The following OSBPL11 variants were observed in gnomAD, a reference collection of about 807,000 sequenced individuals.
OSBPL11 encodes the protein oxysterol-binding protein-related protein 11.
Under a neutral mutation model 84.4 loss-of-function variants are expected in OSBPL11, and 33 were observed. The ratio of observed to expected loss-of-function variants is 0.39; its 90% confidence interval spans 0.30 to 0.52. The LOEUF is 0.52. Among genes scored for constraint, OSBPL11 ranks in the 20% least tolerant of loss-of-function variants. The pLI, the probability that OSBPL11 is intolerant of heterozygous loss-of-function variation, is 0.72. For synonymous variants in OSBPL11, 276 were observed against 310.2 expected (o/e 0.89, Z 1.16); for missense variants, 736 against 901.1 (o/e 0.82, Z 2.35).
intron 4 of OSBPL11, 62 bp downstream of exon 4, chr3:125,578,897 CA>C: frequency 9.2e-7 from 1 of 1,090,236 alleles, no homozygotes; most frequent in Non-Finnish European, 1.3e-6. Flanking sequence ...TTTTAAAAGG[CA>C]AAAAATAAAA....
intron 4 of OSBPL11, among the ~76,000 whole-genome samples, chr3:125,578,352 T>C (rs1321473881): frequency 6.6e-6 from 1 of 152,106 alleles, no homozygotes; most frequent in Non-Finnish European, 1.5e-5. Context: ...AAAGAGAGTT[T>C]GCTAGGGGAT....
intron 1 of OSBPL11, among the ~76,000 whole-genome samples, chr3:125,589,757 A>T (rs1220490187): frequency 2.6e-5 from 4 of 152,214 alleles, no homozygotes; most frequent in Non-Finnish European, 5.9e-5. Flanking sequence ...ACTTTTCCTT[A>T]TAATAGTATT....
At position 125,530,461 on chromosome 3, in the gene OSBPL11, G is replaced by A; in HGVS notation, c.*54C>T. On this transcript the variant is annotated 3_prime_UTR_variant, in exon 13 of 13. Transcript: ENST00000296220. ...CAGTGCAATGACTCCATTCTGGGAG[G>A]ATTTAGGGTAAACAGAGAAGAACCT... 6.7e-7 allele frequency: 1 copy of A among 1,499,850 alleles called. No homozygotes were observed. Among genetic ancestry groups the A allele is most frequent in the East Asian group, 2.3e-5 (1 of 44,362 alleles). 92.9% of individuals were successfully genotyped at this position (1,499,850 alleles called of 1,614,324 possible).
chr3:125,545,331 ATTTGC>A (rs2107591695), intron 10 of OSBPL11, among the ~76,000 whole-genome samples: 1 of 152,288 alleles, frequency 6.6e-6, no homozygotes, highest in Non-Finnish European at 1.5e-5. Context: ...ATGTTTCTTT[ATTTGC>A]TTTAACAGAT....
chr3:125,546,423 T>C (rs1200196814), intron 10 of OSBPL11, among the ~76,000 whole-genome samples: 1 of 152,070 alleles, frequency 6.6e-6, no homozygotes, highest in African/African-American at 2.4e-5. Context: ...AACCTCTGCC[T>C]ACTGGGTTCA....
rs76819613 is a variant in OSBPL11 at position 125,583,607 on chromosome 3, A to G, written c.165-629T>C. On this transcript the variant is annotated intron_variant, in intron 1 of 12. Transcript: ENST00000296220. ...AAAAAAAAAAAAAAAAAAAAAAAAA[A>G]GGGCTGAGTGCAGTGGCTCACACAT... is the stretch of plus-strand genomic sequence containing the variant. 7.2e-5 allele frequency among the ~76,000 whole-genome samples: 10 copies of G among 138,794 alleles called. No homozygotes were observed. In the East Asian group the frequency reaches 1.6e-3, roughly 23 times the overall value. 91.1% of individuals were successfully genotyped at this position (138,794 alleles called of 152,430 possible).
At position 125,528,958 on chromosome 3, in the gene OSBPL11, A is replaced by G. The variant is rs534191911; in HGVS notation, c.*1557T>C. 22 of 152,812 alleles carry G rather than the reference A, an allele frequency of 1.4e-4. No individual in the cohort carries two copies. Among genetic ancestry groups the G allele is most frequent in the African/African-American group, 5.0e-4 (21 of 41,596 alleles). 9.5% of individuals were successfully genotyped at this position (152,812 alleles called of 1,614,324 possible). A position where few individuals can be genotyped will look rare whatever the true frequency, so the allele number is the denominator to read the frequency against. Reference sequence around the variant, plus strand: ...AGTGCATTTCACAGCAAAAATGAACAAGGGAATCATTAAAATTGTTGTACA... The same window carrying G: ...AGTGCATTTCACAGCAAAAATGAACGAGGGAATCATTAAAATTGTTGTACA... On this transcript the variant is annotated 3_prime_UTR_variant, in exon 13 of 13. Transcript: ENST00000296220.
intron 5 of OSBPL11, among the ~76,000 whole-genome samples, chr3:125,574,610 T>C (rs777426225): frequency 1.3e-5 from 2 of 151,798 alleles, no homozygotes; most frequent in Non-Finnish European, 2.9e-5. Context: ...AGGTTATCAA[T>C]TAAAAAAAGA....
chr3:125,560,910 G>A (rs964954145), intron 7 of OSBPL11, among the ~76,000 whole-genome samples: 25 of 152,142 alleles, frequency 1.6e-4, no homozygotes, highest in African/African-American at 5.6e-4. Flanking sequence ...TGTTGGCCAG[G>A]CTGGTCTCAA....
chr3:125,545,591 CAGTAA>C (rs1318233246), intron 10 of OSBPL11, among the ~76,000 whole-genome samples: 4 of 151,764 alleles, frequency 2.6e-5, no homozygotes, highest in South Asian at 4.2e-4. Flanking sequence ...CTCTAGTATG[CAGTAA>C]AGTATATAGA....
chr3:125,576,445 G>A (rs1936325240), intron 4 of OSBPL11, 80 bp from the exon 5 acceptor site: 1 of 1,082,366 alleles, frequency 9.2e-7, no homozygotes, highest in South Asian at 2.0e-5. Flanking sequence ...ATACACTTAA[G>A]ATTTACACAT....
At chr3:125,537,884 C>T (rs1489243866) in intron 11 of OSBPL11, among the ~76,000 whole-genome samples, 1 of 152,202 alleles carries the variant, frequency 6.6e-6, no homozygotes, top group Admixed American at 6.5e-5. Flanking sequence ...AGGTCTATGA[C>T]ACATACTGCC....
chr3:125,588,911 T>TA lies in OSBPL11; in HGVS notation c.164+5725dup, dbSNP rs1431216311. 4.6e-5 allele frequency among the ~76,000 whole-genome samples: 7 copies of TA among 152,204 alleles called. No homozygotes were observed. In the East Asian group the frequency reaches 1.2e-3, roughly 25 times the overall value. On this transcript the variant is annotated intron_variant, in intron 1 of 12. Transcript: ENST00000296220. ...TGTATACTCAAAATCGCAAACAAAA[T>TA]AAAGTCTAACTGTATTTTAATCTAT...
intron 11 of OSBPL11, among the ~76,000 whole-genome samples, chr3:125,533,992 A>G (rs1264043967): frequency 1.3e-5 from 2 of 152,078 alleles, no homozygotes; most frequent in African/African-American, 4.8e-5. Flanking sequence ...ACATCCAACT[A>G]ATTTTTATAT....
At chr3:125,584,464 C>T (rs1332159892) in intron 1 of OSBPL11, among the ~76,000 whole-genome samples, 2 of 152,186 alleles carry the variant, frequency 1.3e-5, no homozygotes, top group African/African-American at 4.8e-5. Flanking sequence ...TGCATCAATC[C>T]ATAAGAGGTT....
In OSBPL11 at chr3:125,552,493, G is replaced by GT; in HGVS notation, c.1341dup (p.Pro448ThrfsTer27). On this transcript the variant is annotated frameshift_variant, in exon 9 of 13. Transcript: ENST00000296220. LOFTEE classifies it high-confidence loss of function. ...GTTTCTCCAATGATAGGATTGTATG[G>GT]TTTTTTAGCAATGGCTCCCTTACGG... 6.2e-7 allele frequency: 1 copy of GT among 1,614,154 alleles called. No individual in the cohort carries two copies.
At chr3:125,564,262 G>A (rs763946300) in intron 6 of OSBPL11, among the ~76,000 whole-genome samples, 7 of 152,170 alleles carry the variant, frequency 4.6e-5, no homozygotes, top group Non-Finnish European at 1.0e-4. Context: ...ATTTGGGATC[G>A]AGTCTTACTC....
chr3:125,594,682 C>G lies in OSBPL11; in HGVS notation c.119G>C (p.Ser40Thr). Reference protein sequence around the residue: ...KNSSCGGGISSSSSSRGGSAK... With the variant: ...KNSSCGGGISTSSSSRGGSAK... ...ACTGCCACCGCGGCTGCTGCTGCTG[C>G]TACTGATTCCACCTCCACAGCTGCT... Residue 40 changes from serine (S) to threonine (T), a missense_variant, in exon 1 of 13, where the codon AGC becomes ACC. Ser to Thr is a moderately conservative substitution (Grantham distance 58). Transcript: ENST00000296220. The G allele has an allele frequency of 1.2e-6, 2 of 1,614,082 alleles. No individual in the cohort carries two copies. The highest frequency in any genetic ancestry group is 1.7e-6 in the Non-Finnish European group (2 of 1,180,036).
chr3:125,578,596 A>G (rs1239618980), intron 4 of OSBPL11, among the ~76,000 whole-genome samples: 1 of 152,066 alleles, frequency 6.6e-6, no homozygotes, highest in Non-Finnish European at 1.5e-5. Context: ...TAGTAAAGAA[A>G]CCTGTCTTGA....
Sources: allele counts gnomAD v4.1 joint callset (sites outside exome capture counted in the v4.1 genomes callset), GRCh38; gene constraint gnomAD v4.1.1; transcripts MANE v1.5; gene names NCBI Gene and HGNC (gene_info 2026-07-23, HGNC 2026-07-21).